Variants in PCDHA5 observed in about 807,000 individuals in gnomAD.
PCDHA5 encodes the protein protocadherin alpha 5.
Under a neutral mutation model 61.6 loss-of-function variants are expected in PCDHA5, and 43 were observed. That is an observed-to-expected ratio of 0.70 (90% CI 0.55 to 0.90). PCDHA5 has a LOEUF of 0.90. Ranked by LOEUF, PCDHA5 falls within the 40% of genes least tolerant of loss-of-function variation. The pLI, the probability that PCDHA5 is intolerant of heterozygous loss-of-function variation, is 0.00. For missense variants in PCDHA5, 1,298 were observed against 1,222.7 expected (o/e 1.06, Z -0.92); for synonymous variants, 627 against 543.9 (o/e 1.15, Z -2.13).
At chr5:140,889,332 G>T (rs1387530088) in intron 1 of PCDHA5, among the ~76,000 whole-genome samples, 1 of 151,982 alleles carries the variant, frequency 6.6e-6, no homozygotes, top group African/African-American at 2.4e-5. Flanking sequence ...TCAGGATTTT[G>T]ATTGGTGGGA....
rs1770571221 is a variant in PCDHA5 at position 140,829,790 on chromosome 5, G to C, written c.2352+5663G>C. On this transcript the variant is annotated intron_variant, in intron 1 of 3. Transcript: ENST00000529859. ...GAACGACAACGCGCCGGCGCTGCTG[G>C]CGCCTCGGGTGGGTGGTACTGGTGG... 4 of 1,613,718 alleles carry C rather than the reference G, an allele frequency of 2.5e-6. No individual in the cohort carries two copies. In the East Asian group the frequency reaches 8.9e-5, roughly 36 times the overall value.
chr5:141,007,395 C>CAAAAAAAAAAAAAAAAAAAAAAAAAAA (rs35800918), intron 3 of PCDHA5, among the ~76,000 whole-genome samples: 1 of 94,866 alleles, frequency 1.1e-5, no homozygotes, highest in Non-Finnish European at 2.1e-5. Context: ...TACTAAAATA[C>CAAAAAAAAAAAAAAAAAAAAAAAAAAA]AAAAAAAAAA....
At chr5:140,921,681 C>T (rs1554200353) in intron 1 of PCDHA5, among the ~76,000 whole-genome samples, 1 of 152,136 alleles carries the variant, frequency 6.6e-6, no homozygotes, top group East Asian at 1.9e-4. Context: ...TATCATCAAA[C>T]ACTGGCCACC....
chr5:140,823,378 AGC>A lies in PCDHA5; in HGVS notation c.1611_1612del (p.Asp538ArgfsTer61). On this transcript the variant is annotated frameshift_variant, in exon 1 of 4. Coordinates refer to ENST00000529859, the MANE Select transcript of PCDHA5 (RefSeq NM_018908.3). LOFTEE classifies it high-confidence loss of function. ...EEVELLQFQVSARDAGVPPLG... is the reference protein window; with the variant it reads ...EEVELLQFQVXARDAGVPPLG... ...AGTGGAGCTGCTGCAGTTCCAGGTG[AGC>A]GCGCGCGACGCGGGCGTGCCGCCTC... is the stretch of plus-strand genomic sequence containing the variant. The A allele has an allele frequency of 6.2e-7, 1 of 1,612,736 alleles. No individual in the cohort carries two copies. Among genetic ancestry groups the A allele is most frequent in the Non-Finnish European group, 8.5e-7 (1 of 1,179,778 alleles).
chr5:140,927,366 A>G (rs782348018), intron 1 of PCDHA5: 29 of 1,614,088 alleles, frequency 1.8e-5, no homozygotes, highest in Admixed American at 1.7e-4. Context: ...GCAATGGGAT[A>G]CTAAGCTACA....
intron 1 of PCDHA5, chr5:140,869,653 A>G: frequency 6.2e-7 from 1 of 1,613,586 alleles, no homozygotes. Flanking sequence ...AGATTCACCA[A>G]CAAATGGTAA....
chr5:140,849,872 G>C, intron 1 of PCDHA5: 1 of 1,598,650 alleles, frequency 6.3e-7, no homozygotes, highest in Non-Finnish European at 8.6e-7. Flanking sequence ...CGCAGTCCGA[G>C]TACACGGTGT....
chr5:140,823,671 A>G lies in PCDHA5; in HGVS notation c.1896A>G (p.Thr632=). 1.2e-6 allele frequency: 2 copies of G among 1,614,028 alleles called. No homozygotes were observed. Among genetic ancestry groups the G allele is most frequent in the Non-Finnish European group, 1.7e-6 (2 of 1,179,950 alleles). Residue 632 remains threonine (T), a synonymous_variant, in exon 1 of 4, where the codon ACA becomes ACG. Transcript: ENST00000529859. ...RVGLYTGEIS[T]TRSLDETEAP... is the part of the protein sequence containing the mutation. ...GGCTGTACACAGGCGAGATCAGCAC[A>G]ACACGCTCTCTGGATGAGACCGAAG... is the stretch of plus-strand genomic sequence containing the variant.
At chr5:140,827,327 G>A (rs2150084598) in intron 1 of PCDHA5, among the ~76,000 whole-genome samples, 1 of 152,306 alleles carries the variant, frequency 6.6e-6, no homozygotes, top group East Asian at 1.9e-4. Flanking sequence ...ACTAGAATTT[G>A]AAGTGGTGAA....
chr5:140,857,144 A>G, intron 1 of PCDHA5: 1 of 1,598,350 alleles, frequency 6.3e-7, no homozygotes, highest in Non-Finnish European at 8.6e-7. Context: ...TCAAGTGGGC[A>G]CCGTCATTGC....
At chr5:140,978,856 A>G (rs2096826512) in intron 1 of PCDHA5, 93 bp from the exon 2 acceptor site, 1 of 1,589,052 alleles carries the variant, frequency 6.3e-7, no homozygotes, top group Non-Finnish European at 8.6e-7. Flanking sequence ...AGATGCCTGG[A>G]AATATTTAAG....
At position 140,917,079 on chromosome 5, in the gene PCDHA5, A is replaced by G. The variant is rs115825402; in HGVS notation, c.2353-61870A>G. Among the ~76,000 whole-genome samples the G allele has an allele frequency of 8.0e-3, 1,217 of 152,106 alleles. 6 individuals carry two copies. The highest frequency in any genetic ancestry group is 0.019 in the African/African-American group (785 of 41,476). On this transcript the variant is annotated intron_variant, in intron 1 of 3. Coordinates refer to ENST00000529859, the MANE Select transcript of PCDHA5 (RefSeq NM_018908.3). ...GCTACGACAGCACCGAGTTTAATGT[A>G]AAGTTCCCCAGTTGCTGTGCTTTAC... is the stretch of plus-strand genomic sequence containing the variant.
At chr5:140,917,337 G>T (rs1563019639) in intron 1 of PCDHA5, among the ~76,000 whole-genome samples, 1 of 142,560 alleles carries the variant, frequency 7.0e-6, no homozygotes, top group Non-Finnish European at 1.6e-5. Context: ...GGGAGGGGGG[G>T]GATGGTGTAG....
intron 1 of PCDHA5, chr5:140,927,490 C>G: frequency 1.2e-6 from 2 of 1,614,132 alleles, no homozygotes; most frequent in Non-Finnish European, 8.5e-7. Flanking sequence ...CGCCACCCAC[C>G]TGCTGGTGCT....
chr5:140,891,612 T>C (rs182874243), intron 1 of PCDHA5, among the ~76,000 whole-genome samples: 2 of 152,350 alleles, frequency 1.3e-5, no homozygotes, highest in Admixed American at 1.3e-4. Context: ...TTCTACCTTT[T>C]ATTTTAACAC....
At chr5:140,987,292 T>G (rs2097246000) in intron 3 of PCDHA5, among the ~76,000 whole-genome samples, 1 of 152,134 alleles carries the variant, frequency 6.6e-6, no homozygotes, top group African/African-American at 2.4e-5. Context: ...TTAACAAGCC[T>G]TCTATGTGAT....
intron 1 of PCDHA5, chr5:140,929,609 A>G: frequency 2.4e-6 from 1 of 410,256 alleles, no homozygotes; most frequent in Non-Finnish European, 4.4e-6. Flanking sequence ...TAAAAATAAA[A>G]TACCAAAATA....
chr5:140,822,078 C>T lies in PCDHA5; in HGVS notation c.303C>T (p.Cys101=), dbSNP rs1554128433. Residue 101 remains cysteine (C), a synonymous_variant, in exon 1 of 4, where the codon TGC becomes TGT. Coordinates refer to ENST00000529859, the MANE Select transcript of PCDHA5 (RefSeq NM_018908.3). ...REELCRRRAE[C]SIHLEVIVDR... is the part of the protein sequence containing the mutation. ...AGCTGTGCCGGCGGAGGGCGGAGTG[C>T]AGCATCCACCTGGAGGTGATCGTGG... 1 of 1,614,102 alleles carries T rather than the reference C, an allele frequency of 6.2e-7. No individual in the cohort carries two copies. Among genetic ancestry groups the T allele is most frequent in the Admixed American group, 1.7e-5 (1 of 60,008 alleles).
At chr5:140,937,614 C>A (rs561420642) in intron 1 of PCDHA5, among the ~76,000 whole-genome samples, 1 of 149,010 alleles carries the variant, frequency 6.7e-6, no homozygotes, top group Non-Finnish European at 1.5e-5. Flanking sequence ...GATACTCCAT[C>A]TAAAAAGAAA....
Sources: allele counts gnomAD v4.1 joint callset (sites outside exome capture counted in the v4.1 genomes callset), GRCh38; gene constraint gnomAD v4.1.1; transcripts MANE v1.5; gene names NCBI Gene and HGNC (gene_info 2026-07-23, HGNC 2026-07-21).